DLAT: variants seen among roughly 807,000 people sequenced by gnomAD.
DLAT encodes the protein dihydrolipoamide S-acetyltransferase, also known as dihydrolipoyllysine-residue acetyltransferase component of pyruvate dehydrogenase complex, mitochondrial.
A neutral mutation model predicts 68.0 loss-of-function variants in DLAT; 43 were observed. The ratio of observed to expected loss-of-function variants is 0.63; its 90% CI spans 0.50 to 0.81. The LOEUF (loss-of-function observed/expected upper bound fraction) is 0.81. Among genes scored for constraint, DLAT ranks in the 40% least tolerant of loss-of-function variants. The pLI is 0.00. For missense variants in DLAT, 745 were observed against 815.4 expected (o/e 0.91, Z 1.05); for synonymous variants, 265 against 288.6 (o/e 0.92, Z 0.83).
In DLAT at chr11:112,064,238, A is replaced by G; in HGVS notation, c.*1703A>G. ...TGTTGTTCCCTTGAAAAAAAATAAA[A>G]ACAGTTGCCTTCTAATAAACATTGT... is the stretch of plus-strand genomic sequence containing the variant. On this transcript the variant is annotated 3_prime_UTR_variant, in exon 14 of 14. Transcript: ENST00000280346. 1.3e-6 allele frequency: 2 copies of G among 1,549,430 alleles called. 1 individual carries two copies. The highest frequency in any genetic ancestry group is 1.7e-6 in the Non-Finnish European group (2 of 1,149,696).
chr11:112,059,656 G>T (rs148066420), intron 11 of DLAT, among the ~76,000 whole-genome samples: 1 of 152,172 alleles, frequency 6.6e-6, no homozygotes. Flanking sequence ...GCCTCCCAAA[G>T]TGTTGGGATT....
At chr11:112,026,145 T>G (rs1861986096) in intron 1 of DLAT, 53 bp from the exon 2 acceptor site, 5 of 1,317,868 alleles carry the variant, frequency 3.8e-6, no homozygotes, top group South Asian at 1.2e-5. Context: ...TAAGCCAGAC[T>G]GAGAGTTAGG....
chr11:112,031,821 C>T (rs374879290), intron 4 of DLAT, among the ~76,000 whole-genome samples: 15 of 146,922 alleles, frequency 1.0e-4, no homozygotes, highest in Non-Finnish European at 1.9e-4. Flanking sequence ...CTCAAGTGAT[C>T]CTCCTGCATC....
chr11:112,036,201 GTTTT>G (rs1167345612), intron 5 of DLAT, among the ~76,000 whole-genome samples: 50 of 36,464 alleles, frequency 1.4e-3, no homozygotes, highest in African/African-American at 3.9e-3. Flanking sequence ...GTGTGTGTGT[GTTTT>G]TTTTTTTTTT....
At position 112,026,087 on chromosome 11, in the gene DLAT, G is replaced by A. The variant is rs587773775; in HGVS notation, c.280-111G>A. On this transcript the variant is annotated intron_variant, in intron 1 of 13. Coordinates refer to ENST00000280346, the MANE Select transcript of DLAT (RefSeq NM_001931.5). Reference sequence around the variant, plus strand: ...CCTTGGCATCCCTAGTTCCCAATGTGCAATGGAACTGTATACACTTTGCAT... The same window carrying A: ...CCTTGGCATCCCTAGTTCCCAATGTACAATGGAACTGTATACACTTTGCAT... 44 of 912,146 alleles carry A rather than the reference G, an allele frequency of 4.8e-5. 1 individual carries two copies. The highest frequency in any genetic ancestry group is 4.0e-4 in the South Asian group (28 of 70,662). 56.5% of individuals were successfully genotyped at this position (912,146 alleles called of 1,614,324 possible).
chr11:112,045,822 T>C, intron 9 of DLAT, 41 bp from the exon 10 acceptor site: 1 of 1,319,074 alleles, frequency 7.6e-7, no homozygotes, highest in Non-Finnish European at 1.1e-6. Flanking sequence ...GTTAAGGTCT[T>C]AACTCAAGAT....
At position 112,061,051 on chromosome 11, in the gene DLAT, C is replaced by T. The variant is rs148508750; in HGVS notation, c.1691C>T (p.Thr564Met). 13 of 1,600,640 alleles carry T rather than the reference C, an allele frequency of 8.1e-6. No individual in the cohort carries two copies. Among genetic ancestry groups the T allele is most frequent in the African/African-American group, 1.3e-5 (1 of 74,228 alleles). The part of the protein sequence containing the change: ...QPHEFQGGTF[T>M]ISNLGMFGIK... ...TTTTTCCTCTAGGGTGGCACTTTTACGATCTCCAATTTAGGAATGTTTGGA... is the reference window on the plus strand; with the variant it reads ...TTTTTCCTCTAGGGTGGCACTTTTATGATCTCCAATTTAGGAATGTTTGGA... Residue 564 changes from threonine (T) to methionine (M), a missense_variant, in exon 13 of 14, where the codon ACG becomes ATG. Transcript: ENST00000280346.
intron 2 of DLAT, among the ~76,000 whole-genome samples, chr11:112,027,768 C>T (rs1252143322): frequency 4.6e-5 from 7 of 152,140 alleles, no homozygotes; most frequent in Admixed American, 1.3e-4. Context: ...GGCGTGGCGG[C>T]GCGTGCCTGC....
Position 112,051,100 on chromosome 11 carries a change from G to C in DLAT, c.1399-134G>C. 1 of 628,232 alleles carries C rather than the reference G, an allele frequency of 1.6e-6. No homozygotes were observed. The highest frequency in any genetic ancestry group is 2.8e-6 in the Non-Finnish European group (1 of 363,380). The allele number at this position is 628,232 out of a possible 1,614,324, so 38.9% of individuals were successfully genotyped here. On this transcript the variant is annotated intron_variant, in intron 10 of 13. Transcript: ENST00000280346. This position sits in a 1 kb window ranked among gnomAD's most constrained non-coding sequence, Gnocchi z 4.3. ...AGGCCTAATACCTGGGTGATGGGTT[G>C]ACAGGTGCAGCAAACCACCATGGCA...
rs1555183007 is a variant in DLAT at position 112,059,944 on chromosome 11, C to G, written c.1556C>G (p.Ala519Gly). The G allele has an allele frequency of 6.2e-7, 1 of 1,613,560 alleles. No individual in the cohort carries two copies. The highest frequency in any genetic ancestry group is 8.5e-7 in the Non-Finnish European group (1 of 1,179,682). The change falls in exon 12 of 14, where the codon GCA becomes GGA. Residue 519 changes from alanine to glycine, a missense_variant. Ala to Gly is a moderately conservative substitution (Grantham distance 60). Coordinates refer to ENST00000280346, the MANE Select transcript of DLAT (RefSeq NM_001931.5). ...GTCAGTGTTGCGGTCAGTACTCCTG[C>G]AGGACTCATCACACCTATTGTGTTT... Reference protein sequence around the residue: ...VDVSVAVSTPAGLITPIVFNA... With the variant: ...VDVSVAVSTPGGLITPIVFNA...
rs902237267 is a variant in DLAT at position 112,064,373 on chromosome 11, T to A, written c.*1838T>A. The A allele has an allele frequency of 8.0e-6, 5 of 626,542 alleles. No homozygotes were observed. In the Admixed American group the frequency reaches 1.5e-4, roughly 18 times the overall value. 38.8% of individuals were successfully genotyped at this position (626,542 alleles called of 1,614,324 possible). On this transcript the variant is annotated 3_prime_UTR_variant, in exon 14 of 14. Transcript: ENST00000280346. ...TTGGTTCATATGATTATTTAAAAAT[T>A]AAAGTATAAATCTTCAATATGTCTG...
In DLAT at chr11:112,028,868, C is replaced by T. The variant is rs149440666; in HGVS notation, c.583C>T (p.Pro195Ser). 3.5e-5 allele frequency: 57 copies of T among 1,614,098 alleles called. No homozygotes were observed. The highest frequency in any genetic ancestry group is 1.0e-4 in the Admixed American group (6 of 60,006). ...ACCTACCCCACAAGCGGCCCCAGCA[C>T]CAACCCCTGCTGCCACTGCTTCGCC... ...AAPTPQAAPA[P>S]TPAATASPPT... Residue 195 changes from proline (P) to serine (S), a missense_variant, in exon 4 of 14, where the codon CCA (proline) becomes TCA (serine). Coordinates refer to ENST00000280346, the MANE Select transcript of DLAT (RefSeq NM_001931.5).
rs1861940909 is a variant in DLAT at position 112,025,557 on chromosome 11, C to G, written c.85C>G (p.Pro29Ala). 2.5e-6 allele frequency: 4 copies of G among 1,613,802 alleles called. No homozygotes were observed. Among genetic ancestry groups the G allele is most frequent in the Admixed American group, 1.7e-5 (1 of 59,992 alleles). Residue 29 changes from proline (P) to alanine (A), a missense_variant, in exon 1 of 14, where the codon CCC becomes GCC. Pro to Ala is a conservative substitution (Grantham distance 27). Coordinates refer to ENST00000280346, the MANE Select transcript of DLAT (RefSeq NM_001931.5). Reference sequence around the variant, plus strand: ...TCGGTGGACGGCCTTGCAGGAGGTACCCGGAACTCCACGAGTGACCTCGCG... The same window carrying G: ...TCGGTGGACGGCCTTGCAGGAGGTAGCCGGAACTCCACGAGTGACCTCGCG... ...EARWTALQEVPGTPRVTSRSG... is the reference protein window; with the variant it reads ...EARWTALQEVAGTPRVTSRSG...
intron 11 of DLAT, among the ~76,000 whole-genome samples, chr11:112,055,609 T>C (rs1170042896): frequency 6.6e-6 from 1 of 152,128 alleles, no homozygotes; most frequent in African/African-American, 2.4e-5. Flanking sequence ...AGTTAGCCAC[T>C]GTTACTGAAC....
chr11:112,039,966 G>C (rs1862968941), intron 7 of DLAT, among the ~76,000 whole-genome samples: 1 of 152,092 alleles, frequency 6.6e-6, no homozygotes, highest in Non-Finnish European at 1.5e-5. Flanking sequence ...TATGTAATAT[G>C]TTTTCCAGTG....
chr11:112,036,201 G>GTTTTTTGTTTTTTTTTTTTTTTTTTTT, intron 5 of DLAT, among the ~76,000 whole-genome samples: 1 of 36,482 alleles, frequency 2.7e-5, no homozygotes, highest in African/African-American at 9.0e-5. Flanking sequence ...GTGTGTGTGT[G>GTTTTTTGTTTTTTTTTTTTTTTTTTTT]TTTTTTTTTT....
At chr11:112,046,640 T>C (rs1435421643) in intron 10 of DLAT, among the ~76,000 whole-genome samples, 1 of 150,496 alleles carries the variant, frequency 6.6e-6, no homozygotes, top group East Asian at 2.0e-4. Context: ...CTACAGGTCC[T>C]GGTGTGTGAT....
intron 8 of DLAT, among the ~76,000 whole-genome samples, chr11:112,044,582 A>C (rs1338138173): frequency 3.3e-5 from 5 of 152,248 alleles, no homozygotes; most frequent in Admixed American, 3.3e-4. Flanking sequence ...GCAAAAACAA[A>C]ATTATTTTGA....
intron 7 of DLAT, 88 bp from the exon 8 acceptor site, chr11:112,043,378 A>C: frequency 1.4e-5 from 17 of 1,231,824 alleles, no homozygotes; most frequent in Non-Finnish European, 2.0e-5. Context: ...GTAAACCCTT[A>C]GGAGCTTGCA....
Sources: gnomAD v4.1 joint callset for allele counts (sites outside exome capture counted in the v4.1 genomes callset) on GRCh38, gnomAD v4.1.1 for gene constraint, Gnocchi (gnomAD v3.1) non-coding constraint, MANE v1.5 for transcripts, NCBI Gene and HGNC (gene_info 2026-07-23, HGNC 2026-07-21) for gene names.